Variants in MBNL2 observed in about 807,000 individuals in gnomAD.
MBNL2 encodes the protein muscleblind-like protein 2.
A neutral mutation model predicts 41.9 loss-of-function variants in MBNL2; 17 were observed. The ratio of observed to expected loss-of-function variants is 0.41; its 90% CI spans 0.28 to 0.61. The LOEUF (loss-of-function observed/expected upper bound fraction) is 0.61. Among genes scored for constraint, MBNL2 ranks in the 20% least tolerant of loss-of-function variants. The probability of loss-of-function intolerance (pLI) is 0.35; values close to 1 mark genes in which losing one functional copy is unlikely to be tolerated. For synonymous variants in MBNL2, 195 were observed against 182.9 expected (o/e 1.07, Z -0.53); for missense variants, 336 against 505.6 (o/e 0.66, Z 3.22).
chr13:97,361,163 G>A (rs907005431), intron 7 of MBNL2, among the ~76,000 whole-genome samples: 11 of 152,198 alleles, frequency 7.2e-5, no homozygotes, highest in Admixed American at 1.3e-4. Flanking sequence ...AAAGCTATTC[G>A]AGAGTGAAGG....
chr13:97,181,795 A>G, the MBNL2 span, among the ~76,000 whole-genome samples: 1 of 147,606 alleles, frequency 6.8e-6, no homozygotes, highest in Non-Finnish European at 1.5e-5. Context: ...CAATACACAG[A>G]ATACAAAGCC....
At chr13:97,204,935 G>A in the MBNL2 span, among the ~76,000 whole-genome samples, 1 of 152,002 alleles carries the variant, frequency 6.6e-6, no homozygotes, top group Non-Finnish European at 1.5e-5. Flanking sequence ...TTCACTTTGG[G>A]AGGCTGAGAC....
intron 1 of MBNL2, among the ~76,000 whole-genome samples, chr13:97,252,736 C>T (rs2152845263): frequency 6.6e-6 from 1 of 152,226 alleles, no homozygotes; most frequent in East Asian, 1.9e-4. Context: ...TTTCTGGCAA[C>T]TTAACTGAAC....
At chr13:97,151,861 A>C in the MBNL2 span, among the ~76,000 whole-genome samples, 10 of 152,284 alleles carry the variant, frequency 6.6e-5, no homozygotes, top group Middle Eastern at 3.4e-3. Context: ...GGAAATACTT[A>C]TAGTAATGAG....
chr13:97,361,935 A>G (rs1219845401), intron 7 of MBNL2, among the ~76,000 whole-genome samples: 6 of 151,542 alleles, frequency 4.0e-5, no homozygotes. Context: ...ACACCTGGCT[A>G]ATTTTTTTTG....
At chr13:97,228,034 G>A (rs750764467) in intron 1 of MBNL2, among the ~76,000 whole-genome samples, 3 of 152,186 alleles carry the variant, frequency 2.0e-5, no homozygotes, top group Non-Finnish European at 4.4e-5. Flanking sequence ...TCCCATGAGA[G>A]CATCTCATTG....
chr13:97,208,576 G>A, the MBNL2 span, among the ~76,000 whole-genome samples: 1 of 152,092 alleles, frequency 6.6e-6, no homozygotes. Context: ...CCCTATTACA[G>A]GCCATGTAAA....
At chr13:97,303,088 C>T (rs1351652058) in intron 2 of MBNL2, among the ~76,000 whole-genome samples, 1 of 152,154 alleles carries the variant, frequency 6.6e-6, no homozygotes, top group Non-Finnish European at 1.5e-5. Flanking sequence ...TCATATGTGG[C>T]TTCAAGCTTC....
intron 3 of MBNL2, among the ~76,000 whole-genome samples, chr13:97,341,556 A>G (rs1485164990): frequency 1.3e-5 from 2 of 152,180 alleles, no homozygotes; most frequent in Admixed American, 6.5e-5. Flanking sequence ...TCCCACATTC[A>G]GACCTCATAT....
chr13:97,329,716 CAACATACACAACAT>C, intron 2 of MBNL2, among the ~76,000 whole-genome samples: 1 of 134 alleles, frequency 7.5e-3, no homozygotes, highest in Non-Finnish European at 0.013. Flanking sequence ...AGCACACATA[CAACATACACAACAT>C]ACAACACATA....
intron 2 of MBNL2, among the ~76,000 whole-genome samples, chr13:97,310,131 A>C (rs2058457505): frequency 6.6e-6 from 1 of 152,152 alleles, no homozygotes; most frequent in African/African-American, 2.4e-5. Context: ...CCAGCTTCTC[A>C]TGCTGCCTTC....
chr13:97,373,047 C>T (rs528437779), intron 8 of MBNL2, among the ~76,000 whole-genome samples: 5 of 152,314 alleles, frequency 3.3e-5, no homozygotes, highest in Non-Finnish European at 7.3e-5. Flanking sequence ...TGTCCTCTCT[C>T]TCTCCTGAAA....
At chr13:97,336,024 C>G (rs910991647) in intron 3 of MBNL2, among the ~76,000 whole-genome samples, 2 of 152,158 alleles carry the variant, frequency 1.3e-5, no homozygotes, top group African/African-American at 4.8e-5. Context: ...ACTTATTTGA[C>G]TCATACACAT....
At chr13:97,253,993 G>A (rs1430714505) in intron 1 of MBNL2, among the ~76,000 whole-genome samples, 1 of 152,036 alleles carries the variant, frequency 6.6e-6, no homozygotes, top group African/African-American at 2.4e-5. Flanking sequence ...GGGTTCAAGC[G>A]ATTCTCCTGC....
At chr13:97,150,586 G>A in the MBNL2 span, among the ~76,000 whole-genome samples, 1 of 152,200 alleles carries the variant, frequency 6.6e-6, no homozygotes, top group African/African-American at 2.4e-5. Context: ...TATACATGAG[G>A]ACTTCATTTT....
chr13:97,172,481 C>G, the MBNL2 span: 4 of 152,208 alleles, frequency 2.6e-5, no homozygotes, highest in African/African-American at 9.7e-5. Flanking sequence ...TCTTGTCGCA[C>G]TGTAGCAAGA....
upstream of MBNL2, among the ~76,000 whole-genome samples, chr13:97,222,116 C>T (rs1408959557): frequency 6.6e-6 from 1 of 152,120 alleles, no homozygotes; most frequent in African/African-American, 2.4e-5. Flanking sequence ...GCCACTTTGT[C>T]TTGGTGCTAT....
At chr13:97,339,681 G>T (rs1359511953) in intron 3 of MBNL2, among the ~76,000 whole-genome samples, 3 of 152,012 alleles carry the variant, frequency 2.0e-5, no homozygotes, top group Non-Finnish European at 4.4e-5. Context: ...GTTGTTGGCC[G>T]AGATTCTACC....
chr13:97,220,903 TTGTATC>T (rs1170147702), upstream of MBNL2, among the ~76,000 whole-genome samples: 2 of 152,208 alleles, frequency 1.3e-5, no homozygotes, highest in African/African-American at 4.8e-5. Flanking sequence ...TAAAAGTAGT[TTGTATC>T]TGTTTGACCA....
Sources: allele counts gnomAD v4.1 joint callset (sites outside exome capture counted in the v4.1 genomes callset), GRCh38; gene constraint gnomAD v4.1.1; transcripts MANE v1.5; gene names NCBI Gene and HGNC (gene_info 2026-07-23, HGNC 2026-07-21).